SDK1: variants seen among roughly 807,000 people sequenced by gnomAD.
The protein encoded by SDK1 is protein sidekick-1.
A neutral mutation model predicts 245.5 loss-of-function variants in SDK1; 157 were observed. The observed-to-expected ratio is 0.64, with a 90% confidence interval of 0.56 to 0.73. The LOEUF is 0.73. SDK1 is among the 30% of genes least tolerant of loss of function. The pLI is 0.00. For synonymous variants in SDK1, 1,647 were observed against 1,278.5 expected (o/e 1.29, Z -6.15); for missense variants, 3,583 against 3,002.3 (o/e 1.19, Z -4.52).
At chr7:3,672,698 TAAATA>T (rs1318258683) in intron 4 of SDK1, among the ~76,000 whole-genome samples, 32 of 133,558 alleles carry the variant, frequency 2.4e-4, no homozygotes, top group Non-Finnish European at 1.7e-4. Context: ...AAATTTATAT[TAAATA>T]AAAATTAAAT....
intron 1 of SDK1, among the ~76,000 whole-genome samples, chr7:3,534,871 C>G (rs1475290510): frequency 3.3e-5 from 5 of 152,176 alleles, no homozygotes; most frequent in Admixed American, 3.3e-4. Flanking sequence ...ATCTTCCCTT[C>G]TCTTTATCAG....
intron 32 of SDK1, among the ~76,000 whole-genome samples, chr7:4,169,979 C>T (rs1003501785): frequency 6.6e-6 from 1 of 152,238 alleles, no homozygotes; most frequent in Admixed American, 6.5e-5. Flanking sequence ...AGAAACCACT[C>T]TGTCTCCTCT....
At chr7:3,660,149 G>T (rs1223968144) in intron 4 of SDK1, among the ~76,000 whole-genome samples, 1 of 152,094 alleles carries the variant, frequency 6.6e-6, no homozygotes. Context: ...GTGAGTTCTT[G>T]CCTGCAGAGA....
intron 4 of SDK1, among the ~76,000 whole-genome samples, chr7:3,769,592 C>T (rs573579954): frequency 6.6e-6 from 1 of 152,222 alleles, no homozygotes. Flanking sequence ...GGAGGGGGCA[C>T]ATATTCAAGC....
intron 1 of SDK1, chr7:3,337,908 T>C (rs1478417979): frequency 2.0e-5 from 3 of 152,164 alleles, no homozygotes; most frequent in African/African-American, 7.2e-5. Context: ...TTTAAATGAA[T>C]GGAAACGAAA....
At chr7:3,529,873 T>G (rs1356653168) in intron 1 of SDK1, among the ~76,000 whole-genome samples, 1 of 152,082 alleles carries the variant, frequency 6.6e-6, no homozygotes, top group East Asian at 1.9e-4. Context: ...AAAATTGTAT[T>G]CCTGACGACA....
At chr7:3,651,999 T>G (rs944822250) in intron 4 of SDK1, among the ~76,000 whole-genome samples, 5 of 152,100 alleles carry the variant, frequency 3.3e-5, no homozygotes, top group Non-Finnish European at 7.4e-5. Flanking sequence ...GATCTATGAA[T>G]GAGTTTGAGG....
chr7:3,804,312 C>T (rs981155262), intron 4 of SDK1, among the ~76,000 whole-genome samples: 23 of 152,106 alleles, frequency 1.5e-4, no homozygotes, highest in African/African-American at 4.8e-4. Context: ...TCTTAAGAAT[C>T]TCCAGTTGCT....
At chr7:3,524,993 GA>G (rs1783072892) in intron 1 of SDK1, among the ~76,000 whole-genome samples, 1 of 152,064 alleles carries the variant, frequency 6.6e-6, no homozygotes, top group Non-Finnish European at 1.5e-5. Context: ...TTGTGGATCA[GA>G]AATAGGTGGA....
At chr7:4,144,579 G>A (rs1459899601) in intron 28 of SDK1, among the ~76,000 whole-genome samples, 1 of 152,126 alleles carries the variant, frequency 6.6e-6, no homozygotes, top group Non-Finnish European at 1.5e-5. Context: ...TAAATGCGTG[G>A]ATGAGTGACA....
chr7:4,065,687 GGTT>G (rs1486956144), intron 19 of SDK1, among the ~76,000 whole-genome samples: 156 of 100,388 alleles, frequency 1.6e-3, no homozygotes, highest in African/African-American at 3.6e-3. Flanking sequence ...CCAGATGAGT[GGTT>G]GTTGTTTTTT....
chr7:4,015,032 T>G (rs1786285483), intron 16 of SDK1, among the ~76,000 whole-genome samples: 1 of 152,182 alleles, frequency 6.6e-6, no homozygotes, highest in African/African-American at 2.4e-5. Flanking sequence ...CATAGTTATC[T>G]CTACCATACT....
intron 1 of SDK1, among the ~76,000 whole-genome samples, chr7:3,364,859 A>C (rs1458880059): frequency 1.3e-5 from 2 of 152,180 alleles, no homozygotes; most frequent in African/African-American, 2.4e-5. Context: ...TCTTTGGAAG[A>C]ATTGACATCT....
rs143177168 is a variant in SDK1, at chr7:3,880,928, A to C, written c.847+59345A>C. ...GAGGAAGGCGTCGAGTTCAGACTTC[A>C]AATACACATGAGGTACCTGGGATTA... On this transcript the variant is annotated intron_variant, in intron 5 of 44. Coordinates refer to ENST00000404826, the MANE Select transcript of SDK1 (RefSeq NM_152744.4). Among the ~76,000 whole-genome samples, 353 of 152,274 alleles carry C rather than the reference A, an allele frequency of 2.3e-3. 2 individuals are homozygous for C. Among genetic ancestry groups the C allele is most frequent in the African/African-American group, 8.2e-3 (340 of 41,542 alleles).
At chr7:4,236,909 C>T (rs1786202219) in intron 41 of SDK1, among the ~76,000 whole-genome samples, 3 of 152,084 alleles carry the variant, frequency 2.0e-5, no homozygotes, top group Admixed American at 2.0e-4. Flanking sequence ...TTGTTTGCTG[C>T]CTTGCTTGTT....
intron 5 of SDK1, among the ~76,000 whole-genome samples, chr7:3,888,703 G>C (rs1781391475): frequency 6.6e-6 from 1 of 152,176 alleles, no homozygotes; most frequent in Non-Finnish European, 1.5e-5. Context: ...TGGAGAAGGA[G>C]ATTTCATTTT....
intron 1 of SDK1, among the ~76,000 whole-genome samples, chr7:3,527,217 T>G (rs1455684173): frequency 1.3e-5 from 2 of 152,204 alleles, no homozygotes; most frequent in Non-Finnish European, 2.9e-5. Context: ...GAGGCATTGT[T>G]GTAAGCAATG....
At chr7:3,720,555 T>A (rs1407795656) in intron 4 of SDK1, among the ~76,000 whole-genome samples, 2 of 152,002 alleles carry the variant, frequency 1.3e-5, no homozygotes, top group East Asian at 3.8e-4. Context: ...TCAGAATGGA[T>A]AAAATAAAAA....
chr7:3,533,197 C>G (rs1783407732), intron 1 of SDK1, among the ~76,000 whole-genome samples: 1 of 152,192 alleles, frequency 6.6e-6, no homozygotes. Context: ...TTACCACTCT[C>G]TGAAGATTAA....
Sources: allele counts gnomAD v4.1 joint callset (sites outside exome capture counted in the v4.1 genomes callset), GRCh38; gene constraint gnomAD v4.1.1; transcripts MANE v1.5; gene names NCBI Gene and HGNC (gene_info 2026-07-23, HGNC 2026-07-21).